MICAL3: variants seen among roughly 807,000 people sequenced by gnomAD.
MICAL3 encodes the protein [F-actin]-monooxygenase MICAL3.
Under a neutral mutation model 207.4 loss-of-function variants are expected in MICAL3, and 62 were observed. That is an observed-to-expected ratio of 0.30 (90% CI 0.24 to 0.37). The LOEUF is 0.37. MICAL3 is among the 10% of genes least tolerant of loss of function. The probability of loss-of-function intolerance (pLI) is 1.00; values close to 1 mark genes in which losing one functional copy is unlikely to be tolerated. For missense variants in MICAL3, 2,368 were observed against 2,635.6 expected (o/e 0.90, Z 2.22); for synonymous variants, 1,077 against 1,069.3 (o/e 1.01, Z -0.14).
chr22:17,819,324 T>G (rs1196816494), intron 25 of MICAL3, among the ~76,000 whole-genome samples, 195 bp from the exon 26 acceptor site: 1 of 152,166 alleles, frequency 6.6e-6, no homozygotes, highest in East Asian at 1.9e-4. Flanking sequence ...GTTTAGAACC[T>G]TAGAACCACT....
chr22:17,965,784 G>A (rs567759098), intron 1 of MICAL3, among the ~76,000 whole-genome samples: 1 of 152,306 alleles, frequency 6.6e-6, no homozygotes, highest in Non-Finnish European at 1.5e-5. Flanking sequence ...TTATCTGCAA[G>A]TTACAGATAA....
At position 17,875,922 on chromosome 22, in the gene MICAL3, C is replaced by T. The variant is rs116666245; in HGVS notation, c.2242-3899G>A. Among the ~76,000 whole-genome samples, 539 of 152,258 alleles carry T rather than the reference C, an allele frequency of 3.5e-3. 4 individuals are homozygous for T. The highest frequency in any genetic ancestry group is 0.012 in the African/African-American group (493 of 41,532). On this transcript the variant is annotated intron_variant, in intron 16 of 31. Transcript: ENST00000441493. Reference sequence around the variant, plus strand: ...GCTCTGTGCTCTGCCAAGCAACCCCCGGCCTGAGCTGGGATTTCTCCAGGG... The same window carrying T: ...GCTCTGTGCTCTGCCAAGCAACCCCTGGCCTGAGCTGGGATTTCTCCAGGG...
At chr22:17,846,715 T>C (rs916637031) in intron 19 of MICAL3, among the ~76,000 whole-genome samples, 2 of 152,208 alleles carry the variant, frequency 1.3e-5, no homozygotes, top group African/African-American at 4.8e-5. Context: ...CATGCCTTAG[T>C]GCAACAACAG....
At chr22:17,928,940 G>T (rs1316688776) in intron 1 of MICAL3, among the ~76,000 whole-genome samples, 2 of 151,972 alleles carry the variant, frequency 1.3e-5, no homozygotes, top group Non-Finnish European at 2.9e-5. Context: ...GACTACAGGC[G>T]CCCGCCACCA....
In MICAL3 at chr22:17,821,406, C is replaced by A. The variant is rs187484051; in HGVS notation, c.3531+21G>T. 2.9e-4 allele frequency: 443 copies of A among 1,538,006 alleles called. No homozygotes were observed. In the African/African-American group the frequency reaches 5.6e-3, roughly 19 times the overall value. On this transcript the variant is annotated intron_variant, in intron 25 of 31. Transcript: ENST00000441493. ...GGTCCCATTAGTTCTCTGTACCCCACAGCGAGCCCCAAACCCTTACCTCTG... is the reference window on the plus strand; with the variant it reads ...GGTCCCATTAGTTCTCTGTACCCCAAAGCGAGCCCCAAACCCTTACCTCTG...
At chr22:17,795,172 A>C (rs114638891) in intron 29 of MICAL3, among the ~76,000 whole-genome samples, 2,339 of 152,356 alleles carry the variant, frequency 0.015, 51 homozygotes, top group African/African-American at 0.054. Context: ...AGTGTACCCA[A>C]TGTGCTAAGC....
At chr22:18,022,937 A>G (rs4819657) in intron 1 of MICAL3, among the ~76,000 whole-genome samples, 31,767 of 152,018 alleles carry the variant, frequency 0.21, 3,875 homozygotes, top group East Asian at 0.38. Context: ...TAGTGAAGGG[A>G]CCTGTTCCGA....
intron 13 of MICAL3, among the ~76,000 whole-genome samples, chr22:17,888,395 A>C (rs5746489): frequency 0.46 from 69,412 of 151,966 alleles, 16,977 homozygotes; most frequent in African/African-American, 0.64. Flanking sequence ...AAGCTGAGAG[A>C]CAAGCAAAGA....
At chr22:17,978,757 G>A (rs1203603496) in intron 1 of MICAL3, among the ~76,000 whole-genome samples, 1 of 151,954 alleles carries the variant, frequency 6.6e-6, no homozygotes, top group Non-Finnish European at 1.5e-5. Flanking sequence ...GACCTCAGGT[G>A]ATCTGCCCGC....
chr22:17,890,098 T>C (rs975762405), intron 12 of MICAL3, among the ~76,000 whole-genome samples: 1 of 152,214 alleles, frequency 6.6e-6, no homozygotes, highest in African/African-American at 2.4e-5. Flanking sequence ...CATTTCCTAC[T>C]GGGTTTAAGC....
rs368148084 is a variant in MICAL3 at position 17,933,948 on chromosome 22, CA to C, written c.-74-27063del. 6.5e-3 allele frequency among the ~76,000 whole-genome samples: 988 copies of C among 152,272 alleles called. 10 individuals are homozygous for C. The highest frequency in any genetic ancestry group is 0.023 in the African/African-American group (957 of 41,548). On this transcript the variant is annotated intron_variant, in intron 1 of 31. Transcript: ENST00000441493. ...GAAGAAGTTGAATCTCTGAATAGAC[CA>C]ATAACAGTCTCTGAAATTCAGGCAG...
intron 1 of MICAL3, among the ~76,000 whole-genome samples, chr22:17,963,276 C>T (rs930353915): frequency 3.3e-5 from 5 of 152,026 alleles, no homozygotes; most frequent in African/African-American, 9.7e-5. Flanking sequence ...TCACGCCTGG[C>T]TAATTTCTGT....
chr22:17,875,201 A>G (rs1928161452), intron 16 of MICAL3: 1 of 278,022 alleles, frequency 3.6e-6, no homozygotes, highest in Non-Finnish European at 6.6e-6. Context: ...GCGGGTTCAC[A>G]TCAACAGACC....
At position 17,819,102 on chromosome 22, in the gene MICAL3, C is replaced by A; in HGVS notation, c.3559G>T (p.Ala1187Ser). 6.7e-7 allele frequency: 1 copy of A among 1,489,168 alleles called. No homozygotes were observed. The highest frequency in any genetic ancestry group is 9.0e-7 in the Non-Finnish European group (1 of 1,114,560). 92.2% of individuals were successfully genotyped at this position (1,489,168 alleles called of 1,614,324 possible). The change falls in exon 26 of 32, where the codon GCC (alanine) becomes TCC (serine). Residue 1187 changes from alanine to serine, a missense_variant. By Grantham distance (99) the Ala-to-Ser change is moderately conservative. Transcript: ENST00000441493. ...EGPQLPPVPA[A>S]TQEKSPEERL... is the part of the protein sequence containing the mutation. ...TCCTCAGGTGATTTCTCCTGGGTGG[C>A]GGCAGGGACAGGTGGGAGTTGGGGC...
At chr22:17,877,333 T>TGGAGGTTAGGGAGGTTATGGAGGTTAG (rs1928792287) in intron 16 of MICAL3, among the ~76,000 whole-genome samples, 5 of 11,220 alleles carry the variant, frequency 4.5e-4, no homozygotes, top group Non-Finnish European at 7.7e-4. Context: ...AGGGAGGTTA[T>TGGAGGTTAGGGAGGTTATGGAGGTTAG]GGAGGTTAGG....
At chr22:17,915,118 G>C (rs1932401376) in intron 1 of MICAL3, among the ~76,000 whole-genome samples, 1 of 152,132 alleles carries the variant, frequency 6.6e-6, no homozygotes, top group African/African-American at 2.4e-5. Flanking sequence ...AAAAAAAGCT[G>C]TTCTCCTCAA....
At chr22:17,970,023 G>C (rs543597230) in intron 1 of MICAL3, among the ~76,000 whole-genome samples, 6 of 152,310 alleles carry the variant, frequency 3.9e-5, no homozygotes, top group Admixed American at 2.6e-4. Flanking sequence ...CCACATCTCT[G>C]CCCTGGCTGC....
chr22:17,958,482 A>AC (rs1443329601), intron 1 of MICAL3, among the ~76,000 whole-genome samples: 5 of 152,024 alleles, frequency 3.3e-5, no homozygotes, highest in African/African-American at 1.2e-4. Context: ...CCTCAGCTGC[A>AC]CCCCATCCTC....
At chr22:17,856,851 G>C (rs1238185448) in intron 19 of MICAL3, among the ~76,000 whole-genome samples, 1 of 152,030 alleles carries the variant, frequency 6.6e-6, no homozygotes, top group African/African-American at 2.4e-5. Flanking sequence ...TCGATCTCCT[G>C]AACTCATGAT....
Sources: gnomAD v4.1 joint callset for allele counts (sites outside exome capture counted in the v4.1 genomes callset) on GRCh38, gnomAD v4.1.1 for gene constraint, MANE v1.5 for transcripts, NCBI Gene and HGNC (gene_info 2026-07-23, HGNC 2026-07-21) for gene names.